NLGN1: variants seen among roughly 807,000 people sequenced by gnomAD.
NLGN1 encodes the protein neuroligin-1.
NLGN1 carries 12 observed loss-of-function variants against 65.5 expected under a neutral mutation model. That is an observed-to-expected ratio of 0.18 (90% confidence interval 0.12 to 0.30). The LOEUF (loss-of-function observed/expected upper bound fraction) is 0.30. Among genes scored for constraint, NLGN1 ranks in the 10% least tolerant of loss-of-function variants. The pLI is 1.00. For synonymous variants in NLGN1, 350 were observed against 359.5 expected, an observed-to-expected ratio of 0.97 and a Z score of 0.30; for missense variants, 750 against 1,007.1, an observed-to-expected ratio of 0.74 and a Z score of 3.46.
chr3:173,933,549 C>T (rs189152104), intron 4 of NLGN1, among the ~76,000 whole-genome samples: 37 of 152,182 alleles, frequency 2.4e-4, no homozygotes, highest in African/African-American at 7.0e-4. Flanking sequence ...TTTAGCTTGC[C>T]GCAAATGGCA....
chr3:173,688,752 A>G (rs1248199369), intron 3 of NLGN1, among the ~76,000 whole-genome samples: 1 of 152,212 alleles, frequency 6.6e-6, no homozygotes, highest in Non-Finnish European at 1.5e-5. Context: ...CTTAGGTATA[A>G]TATGATAAAA....
chr3:173,532,732 C>T (rs1736793925), intron 2 of NLGN1, among the ~76,000 whole-genome samples: 1 of 152,164 alleles, frequency 6.6e-6, no homozygotes, highest in Admixed American at 6.5e-5. Context: ...ATGTGGCTCA[C>T]ATTTTATTTG....
intron 4 of NLGN1, among the ~76,000 whole-genome samples, chr3:173,821,137 A>G (rs901625184): frequency 4.6e-5 from 7 of 152,298 alleles, no homozygotes; most frequent in African/African-American, 1.7e-4. Context: ...CGACTGATTT[A>G]TGTATTGGTA....
At chr3:173,945,825 G>A (rs1747037050) in intron 4 of NLGN1, among the ~76,000 whole-genome samples, 1 of 152,198 alleles carries the variant, frequency 6.6e-6, no homozygotes, top group African/African-American at 2.4e-5. Flanking sequence ...TTAACAAGCT[G>A]TCAATCTTCC....
chr3:174,054,035 C>G (rs1463190567), intron 4 of NLGN1, among the ~76,000 whole-genome samples: 3 of 151,970 alleles, frequency 2.0e-5, no homozygotes, highest in Admixed American at 6.6e-5. Context: ...GAAAAAAAAT[C>G]ACTGGAACTT....
intron 3 of NLGN1, among the ~76,000 whole-genome samples, chr3:173,747,114 C>T (rs894447406): frequency 1.1e-4 from 17 of 148,250 alleles, no homozygotes; most frequent in Admixed American, 9.5e-4. Flanking sequence ...GTGTATACCA[C>T]GTGTATACGT....
chr3:174,201,315 AGGGAGGC>A (rs1355776127), intron 4 of NLGN1, among the ~76,000 whole-genome samples: 2 of 91,536 alleles, frequency 2.2e-5, no homozygotes, highest in East Asian at 7.2e-4. Context: ...GGAGGAAGGG[AGGGAGGC>A]GGGAGGAGGG....
intron 4 of NLGN1, among the ~76,000 whole-genome samples, chr3:174,021,638 T>G (rs950361170): frequency 1.3e-5 from 2 of 152,120 alleles, no homozygotes; most frequent in African/African-American, 4.8e-5. Context: ...AAGAAGCACA[T>G]CTGGGAACTG....
At chr3:173,822,011 C>T (rs1053194408) in intron 4 of NLGN1, among the ~76,000 whole-genome samples, 27 of 151,936 alleles carry the variant, frequency 1.8e-4, no homozygotes, top group African/African-American at 5.3e-4. Context: ...GAAACTCTGC[C>T]AGGTTTTATT....
chr3:174,137,938 G>A (rs961787010), intron 4 of NLGN1, among the ~76,000 whole-genome samples: 2 of 152,142 alleles, frequency 1.3e-5, no homozygotes, highest in African/African-American at 4.8e-5. Context: ...ATTTGGCAAA[G>A]TGTCACTCTA....
intron 4 of NLGN1, among the ~76,000 whole-genome samples, chr3:173,917,840 A>G (rs1354315545): frequency 9.9e-6 from 1 of 101,112 alleles, no homozygotes; most frequent in African/African-American, 5.3e-5. Flanking sequence ...ACAAAGCAAC[A>G]TTGTGTGTGT....
At chr3:174,264,920 AG>A (rs1211171344) in intron 4 of NLGN1, among the ~76,000 whole-genome samples, 1 of 151,946 alleles carries the variant, frequency 6.6e-6, no homozygotes, top group Non-Finnish European at 1.5e-5. Flanking sequence ...CCTCAGCTGC[AG>A]GTCTGTTGGA....
At chr3:173,658,840 TTATAATC>T (rs1435522620) in intron 3 of NLGN1, among the ~76,000 whole-genome samples, 1 of 152,002 alleles carries the variant, frequency 6.6e-6, no homozygotes, top group Non-Finnish European at 1.5e-5. Flanking sequence ...ATAATGTACT[TTATAATC>T]TATTCATACA....
At chr3:173,701,142 C>T (rs1006109171) in intron 3 of NLGN1, among the ~76,000 whole-genome samples, 7 of 151,896 alleles carry the variant, frequency 4.6e-5, no homozygotes, top group Admixed American at 6.6e-5. Context: ...AAAAAAGTGC[C>T]GGAAAATGCT....
At chr3:173,469,469 A>G (rs1174762490) in intron 2 of NLGN1, among the ~76,000 whole-genome samples, 3 of 152,076 alleles carry the variant, frequency 2.0e-5, no homozygotes, top group Non-Finnish European at 4.4e-5. Context: ...TAGTTGGCCA[A>G]TTAAAATCTT....
rs541312255 is a variant in NLGN1, at chr3:174,274,499, C to CTCTCTCCCCTACCTCCGTTT, written c.647-806_647-787dup. Among the ~76,000 whole-genome samples, 62 of 151,782 alleles carry CTCTCTCCCCTACCTCCGTTT rather than the reference C, an allele frequency of 4.1e-4. No individual in the cohort carries two copies. In the East Asian group the frequency reaches 0.012, roughly 29 times the overall value. On this transcript the variant is annotated intron_variant, in intron 4 of 6. Coordinates refer to ENST00000457714, the Ensembl canonical transcript of NLGN1. ...CATTCTGTCAGTTCAGATCCTTAAA[C>CTCTCTCCCCTACCTCCGTTT]TCTCTCCCCTACCTCCGTTTTCTCT...
chr3:174,247,981 A>T (rs925757919), intron 4 of NLGN1, among the ~76,000 whole-genome samples: 55 of 152,262 alleles, frequency 3.6e-4, no homozygotes, highest in African/African-American at 1.3e-3. Flanking sequence ...TTCAAAAAAT[A>T]AGCAGACCAG....
chr3:174,232,047 G>A lies in NLGN1; in HGVS notation c.647-43268G>A, dbSNP rs1353339730. Among the ~76,000 whole-genome samples the A allele has an allele frequency of 3.9e-5, 6 of 152,332 alleles. No homozygotes were observed. In the East Asian group the frequency reaches 9.7e-4, roughly 25 times the overall value. On this transcript the variant is annotated intron_variant, in intron 4 of 6. Transcript: ENST00000457714. ...GAGCTTTCATGCGCGTCTGTGTGAA[G>A]ACACCACCAAACAGGCTTTGTGTGA...
chr3:173,539,627 TATATACAC>T (rs371813207), intron 2 of NLGN1, among the ~76,000 whole-genome samples: 161 of 79,396 alleles, frequency 2.0e-3, no homozygotes, highest in South Asian at 5.1e-3. Flanking sequence ...TATATATTTA[TATATACAC>T]ATATATACAT....
Sources: gnomAD v4.1 joint callset for allele counts (sites outside exome capture counted in the v4.1 genomes callset) on GRCh38, gnomAD v4.1.1 for gene constraint, MANE v1.5 for transcripts, NCBI Gene and HGNC (gene_info 2026-07-23, HGNC 2026-07-21) for gene names.